VSX1: variants seen among roughly 807,000 people sequenced by gnomAD.
VSX1 encodes visual system homeobox 1, also known as homeodomain protein RINX.
A neutral mutation model predicts 23.6 loss-of-function variants in VSX1; 23 were observed. The observed-to-expected ratio is 0.97, with a 90% confidence interval of 0.70 to 1.38. VSX1 has a LOEUF of 1.38. Ranked by LOEUF, VSX1 falls within the 40% of genes most tolerant of loss-of-function variation. VSX1 has a pLI of 0.00. For synonymous variants in VSX1, 247 were observed against 215.1 expected (o/e 1.15, Z -1.30); for missense variants, 517 against 495.4 (o/e 1.04, Z -0.41).
chr20:25,077,940 C>T lies in VSX1; in HGVS notation c.628-75G>A, dbSNP rs1431048139. 2.7e-6 allele frequency: 4 copies of T among 1,501,434 alleles called. No homozygotes were observed. The African/African-American group carries it at 4.2e-5, about 16-fold the overall frequency. The allele number at this position is 1,501,434 out of a possible 1,614,324, so 93.0% of individuals were successfully genotyped here. A position where few individuals can be genotyped will look rare whatever the true frequency, so the allele number is the denominator to read the frequency against. On this transcript the variant is annotated intron_variant, in intron 3 of 4. Coordinates refer to ENST00000376709, the MANE Select transcript of VSX1 (RefSeq NM_014588.6). ...GGGGCGCCTGGAGGAGCGGAGGCGG[C>T]GTCCCAGGGCTCGGATCTTCTCTCC...
At chr20:25,077,647 A>G in intron 4 of VSX1, 38 bp downstream of exon 4, 1 of 1,539,598 alleles carries the variant, frequency 6.5e-7, no homozygotes, top group Non-Finnish European at 8.7e-7. Flanking sequence ...ACCTCCTACA[A>G]CACCTCGAGC....
At chr20:25,080,129 C>T (rs886522157) in intron 1 of VSX1, among the ~76,000 whole-genome samples, 1 of 152,174 alleles carries the variant, frequency 6.6e-6, no homozygotes, top group Non-Finnish European at 1.5e-5. Flanking sequence ...ATTTGAGAAC[C>T]ACTCCACTGT....
chr20:25,072,034 A>G, downstream of VSX1: 2 of 619,774 alleles, frequency 3.2e-6, no homozygotes, highest in East Asian at 2.7e-5. Context: ...AAACAGGGAG[A>G]GTATTTCACA....
downstream of VSX1, chr20:25,071,210 T>C (rs1422392728): frequency 2.2e-6 from 1 of 452,794 alleles, no homozygotes; most frequent in Non-Finnish European, 4.4e-6. Context: ...GGTGCCAAGC[T>C]GAGCACCCAG....
downstream of VSX1, among the ~76,000 whole-genome samples, chr20:25,073,150 A>G (rs182232899): frequency 6.6e-6 from 1 of 152,226 alleles, no homozygotes; most frequent in African/African-American, 2.4e-5. Flanking sequence ...TATCCTGAAA[A>G]ATTTTCATAT....
intron 2 of VSX1, among the ~76,000 whole-genome samples, 168 bp from the exon 3 acceptor site, chr20:25,079,120 G>T (rs1032291596): frequency 2.6e-5 from 4 of 152,212 alleles, no homozygotes; most frequent in African/African-American, 9.7e-5. Context: ...CCAGAAATTT[G>T]ATTCAAACGA....
At chr20:25,078,155 AG>A (rs1410086359) in intron 3 of VSX1, among the ~76,000 whole-genome samples, 1 of 152,200 alleles carries the variant, frequency 6.6e-6, no homozygotes, top group Non-Finnish European at 1.5e-5. Flanking sequence ...AAAAAACTAA[AG>A]AATCAAACTC....
At chr20:25,075,253 G>GGTATC (rs1233003128), downstream of VSX1, among the ~76,000 whole-genome samples, 3 of 152,174 alleles carry the variant, frequency 2.0e-5, no homozygotes, top group African/African-American at 7.2e-5. Flanking sequence ...TCAACTAGAA[G>GGTATC]GTATCTTTCT....
chr20:25,072,809 C>T (rs557311837), downstream of VSX1, among the ~76,000 whole-genome samples: 9 of 152,320 alleles, frequency 5.9e-5, no homozygotes, highest in South Asian at 1.9e-3. Flanking sequence ...TCATGAATGT[C>T]CTCAAGTCCT....
At chr20:25,070,901 TTTAA>T (rs1478213387), downstream of VSX1, 9 of 407,088 alleles carry the variant, frequency 2.2e-5, no homozygotes, top group Admixed American at 2.8e-4. Flanking sequence ...TCAATTAAAA[TTTAA>T]TTAATTCTTA....
intron 1 of VSX1, 108 bp downstream of exon 1, chr20:25,081,565 G>T (rs557065435): frequency 2.8e-5 from 43 of 1,519,276 alleles, no homozygotes; most frequent in Non-Finnish European, 3.5e-5. Context: ...TCCCCGCCTA[G>T]ATCTGGGCCG....
downstream of VSX1, among the ~76,000 whole-genome samples, chr20:25,074,630 T>G (rs896700262): frequency 6.6e-5 from 10 of 152,226 alleles, no homozygotes; most frequent in African/African-American, 2.4e-4. Context: ...AGCAAAATTT[T>G]GTCAGCATCA....
At chr20:25,071,567 A>G, downstream of VSX1, 1 of 470,514 alleles carries the variant, frequency 2.1e-6, no homozygotes, top group Non-Finnish European at 4.2e-6. Context: ...GTTCCCTTTC[A>G]ACAGATAATC....
downstream of VSX1, chr20:25,071,766 T>A (rs960715833): frequency 1.4e-6 from 1 of 697,528 alleles, no homozygotes; most frequent in African/African-American, 1.8e-5. Flanking sequence ...ACTCCTAGGT[T>A]GTTGAATTCC....
downstream of VSX1, among the ~76,000 whole-genome samples, chr20:25,073,846 A>G (rs2089432521): frequency 6.6e-6 from 1 of 152,196 alleles, no homozygotes; most frequent in African/African-American, 2.4e-5. Flanking sequence ...CTAGTCACAC[A>G]GGACAGCGGT....
chr20:25,076,506 C>T lies in VSX1; in HGVS notation c.853G>A (p.Glu285Lys). The change falls in exon 5 of 5, where the codon GAA becomes AAA. Residue 285 changes from glutamate to lysine, a missense_variant. By Grantham distance (56) the Glu-to-Lys change is moderately conservative (BLOSUM62 1). Coordinates refer to ENST00000376709, the MANE Select transcript of VSX1 (RefSeq NM_014588.6). ...SMGMIRKPGSEDKLAGLWGSD... is the reference protein window; with the variant it reads ...SMGMIRKPGSKDKLAGLWGSD... Reference sequence around the variant, plus strand: ...CCCCAGAGTCCTGCCAACTTATCTTCACTTCCTGGCTTCCTTATCATCCCC... The same window carrying T: ...CCCCAGAGTCCTGCCAACTTATCTTTACTTCCTGGCTTCCTTATCATCCCC... 1 of 1,613,714 alleles carries T rather than the reference C, an allele frequency of 6.2e-7. No individual in the cohort carries two copies.
chr20:25,079,210 CTT>C (rs1176354813), intron 2 of VSX1, among the ~76,000 whole-genome samples: 6 of 152,200 alleles, frequency 3.9e-5, no homozygotes, highest in Non-Finnish European at 8.8e-5. Flanking sequence ...ACAAAATTGT[CTT>C]TAAAATGCTC....
At chr20:25,077,932 G>A in intron 3 of VSX1, 67 bp from the exon 4 acceptor site, 2 of 1,525,076 alleles carry the variant, frequency 1.3e-6, no homozygotes, top group Middle Eastern at 2.2e-4. Context: ...CTGGAGGAGC[G>A]GAGGCGGCGT....
chr20:25,072,659 G>T (rs1032031214), downstream of VSX1: 1 of 471,124 alleles, frequency 2.1e-6, no homozygotes, highest in African/African-American at 2.0e-5. Context: ...AATGCAAAGA[G>T]ATAATGAATT....
Sources: gnomAD v4.1 joint callset for allele counts (sites outside exome capture counted in the v4.1 genomes callset) on GRCh38, gnomAD v4.1.1 for gene constraint, MANE v1.5 for transcripts, NCBI Gene and HGNC (gene_info 2026-07-23, HGNC 2026-07-21) for gene names.